The following RFC3 variants were observed in gnomAD, a reference collection of about 807,000 sequenced individuals.
The protein encoded by RFC3 is A1 38 kDa subunit.
Under a neutral mutation model 45.1 loss-of-function variants are expected in RFC3, and 41 were observed. That is an observed-to-expected ratio of 0.91 (90% confidence interval 0.71 to 1.18). The LOEUF is 1.18. RFC3 is among the 50% of genes most tolerant of loss of function. The pLI, the probability that RFC3 is intolerant of heterozygous loss-of-function variation, is 0.00. For synonymous variants in RFC3, 149 were observed against 144.0 expected (o/e 1.03, Z -0.25); for missense variants, 423 against 428.1 (o/e 0.99, Z 0.10).
intron 8 of RFC3, among the ~76,000 whole-genome samples, chr13:33,860,629 A>G (rs1040934198): frequency 1.3e-5 from 2 of 152,102 alleles, no homozygotes; most frequent in African/African-American, 4.8e-5. Flanking sequence ...AGCCGTGAGG[A>G]GAGAGAAACT....
downstream of RFC3, among the ~76,000 whole-genome samples, chr13:33,839,634 A>G (rs902187967): frequency 6.6e-6 from 1 of 152,196 alleles, no homozygotes; most frequent in Non-Finnish European, 1.5e-5. Context: ...ACTTAACTGT[A>G]GTGGGAAATC....
At chr13:33,826,470 AG>A (rs1165215705) in intron 4 of RFC3, among the ~76,000 whole-genome samples, 2 of 152,140 alleles carry the variant, frequency 1.3e-5, no homozygotes, top group African/African-American at 4.8e-5. Flanking sequence ...TGGAGAAGAT[AG>A]TGTTTTGTTC....
chr13:33,950,701 C>T (rs893694369), intron 8 of RFC3, among the ~76,000 whole-genome samples: 1 of 152,154 alleles, frequency 6.6e-6, no homozygotes, highest in African/African-American at 2.4e-5. Context: ...TTGGATTTAG[C>T]CTTGCCTGAA....
intron 1 of RFC3, among the ~76,000 whole-genome samples, chr13:33,818,944 G>A (rs956271807): frequency 7.7e-6 from 1 of 129,538 alleles, no homozygotes; most frequent in African/African-American, 2.9e-5. Flanking sequence ...AGGCTGGAAT[G>A]CAATGGCGCG....
intron 1 of RFC3, among the ~76,000 whole-genome samples, chr13:33,819,953 AATAGTT>A (rs2081986470): frequency 1.3e-5 from 2 of 152,332 alleles, no homozygotes; most frequent in Non-Finnish European, 2.9e-5. Context: ...TATTAGATTG[AATAGTT>A]CTTTTCCTTG....
At chr13:33,868,565 A>G (rs2137557925) in intron 8 of RFC3, among the ~76,000 whole-genome samples, 1 of 152,310 alleles carries the variant, frequency 6.6e-6, no homozygotes, top group African/African-American at 2.4e-5. Flanking sequence ...TTGGTCACCT[A>G]TCACAACTAA....
At chr13:33,889,096 A>G (rs886266217) in intron 8 of RFC3, among the ~76,000 whole-genome samples, 1 of 152,092 alleles carries the variant, frequency 6.6e-6, no homozygotes, top group African/African-American at 2.4e-5. Flanking sequence ...CTTCATGCCA[A>G]CTCTTACTTT....
At chr13:33,910,308 CACTT>C (rs2082696378) in intron 8 of RFC3, among the ~76,000 whole-genome samples, 1 of 152,046 alleles carries the variant, frequency 6.6e-6, no homozygotes, top group Admixed American at 6.6e-5. Context: ...TTTTGTCACT[CACTT>C]AGACATTATC....
At chr13:33,967,415 A>G (rs891979867), downstream of RFC3, among the ~76,000 whole-genome samples, 5 of 151,724 alleles carry the variant, frequency 3.3e-5, no homozygotes, top group East Asian at 9.7e-4. Flanking sequence ...AGTACAATAT[A>G]TATGAGTCCA....
At chr13:33,865,266 G>A (rs2082366119) in intron 8 of RFC3, among the ~76,000 whole-genome samples, 1 of 152,176 alleles carries the variant, frequency 6.6e-6, no homozygotes, top group African/African-American at 2.4e-5. Context: ...TATAATGATT[G>A]TGGAAATTGG....
At chr13:33,954,891 C>T (rs2083012628) in intron 8 of RFC3, among the ~76,000 whole-genome samples, 1 of 152,146 alleles carries the variant, frequency 6.6e-6, no homozygotes, top group African/African-American at 2.4e-5. Flanking sequence ...ACCTTCAGTC[C>T]ACAGCAAAGC....
At position 33,905,490 on chromosome 13, in the gene RFC3, A is replaced by C. The variant is rs549922404; in HGVS notation, c.880-60597A>C. On this transcript the variant is annotated intron_variant, in intron 8 of 8. Transcript: ENST00000434425. ...CTAAGCCTGAAAGACCTCTTTTGTT[A>C]AGTATAAAATAAAAATCTAAATGGC... is the stretch of plus-strand genomic sequence containing the variant. Among the ~76,000 whole-genome samples the C allele has an allele frequency of 2.8e-3, 433 of 152,070 alleles. 1 individual carries two copies. The highest frequency in any genetic ancestry group is 9.9e-3 in the African/African-American group (412 of 41,494).
chr13:33,925,935 C>T (rs1417405571), intron 8 of RFC3, among the ~76,000 whole-genome samples: 1 of 151,810 alleles, frequency 6.6e-6, no homozygotes, highest in African/African-American at 2.4e-5. Flanking sequence ...TTTGGGAATA[C>T]ACAAATGATA....
intron 8 of RFC3, among the ~76,000 whole-genome samples, chr13:33,938,123 A>C (rs545611460): frequency 8.1e-5 from 12 of 148,224 alleles, no homozygotes; most frequent in Non-Finnish European, 1.3e-4. Context: ...TGTCCTAAGG[A>C]ATATTCTAGT....
At chr13:33,904,125 T>C (rs1422846872) in intron 8 of RFC3, among the ~76,000 whole-genome samples, 1 of 121,362 alleles carries the variant, frequency 8.2e-6, no homozygotes, top group East Asian at 2.7e-4. Context: ...TAACTCTTAT[T>C]TATTTGCTGT....
At position 33,862,320 on chromosome 13, in the gene RFC3, C is replaced by T. The variant is rs143641557; in HGVS notation, c.879+27103C>T. Among the ~76,000 whole-genome samples the T allele has an allele frequency of 5.7e-4, 82 of 143,692 alleles. 1 individual carries two copies. The East Asian group carries it at 0.014, about 25-fold the overall frequency. The allele number at this position is 143,692 out of a possible 152,430, so 94.3% of individuals were successfully genotyped here. On this transcript the variant is annotated intron_variant, in intron 8 of 8. Transcript: ENST00000434425. ...TATGCAAAATGGAATCCCATAGGGACAGAGAATGAACATGTTGTGAAGTAT... is the reference window on the plus strand; with the variant it reads ...TATGCAAAATGGAATCCCATAGGGATAGAGAATGAACATGTTGTGAAGTAT...
intron 1 of RFC3, 112 bp downstream of exon 1, chr13:33,818,377 TATG>T: frequency 1.3e-6 from 1 of 779,802 alleles, no homozygotes; most frequent in Non-Finnish European, 2.1e-6. Flanking sequence ...TGATAAGTGC[TATG>T]GAGAAAAATA....
intron 8 of RFC3, among the ~76,000 whole-genome samples, chr13:33,912,210 A>G (rs893342586): frequency 1.3e-5 from 2 of 152,078 alleles, no homozygotes. Flanking sequence ...CATCATTAGT[A>G]TTTATTTAGT....
intron 8 of RFC3, among the ~76,000 whole-genome samples, chr13:33,860,778 C>G (rs547805565): frequency 6.6e-6 from 1 of 152,296 alleles, no homozygotes; most frequent in South Asian, 2.1e-4. Context: ...ATTAACGTCC[C>G]TTTAAATAAC....
Sources: allele counts gnomAD v4.1 joint callset (sites outside exome capture counted in the v4.1 genomes callset), GRCh38; gene constraint gnomAD v4.1.1; transcripts MANE v1.5; gene names NCBI Gene and HGNC (gene_info 2026-07-23, HGNC 2026-07-21).